The following MAP4K4 variants were observed in gnomAD, a reference collection of about 807,000 sequenced individuals.
MAP4K4 encodes mitogen-activated protein kinase kinase kinase kinase 4.
Under a neutral mutation model 189.6 loss-of-function variants are expected in MAP4K4, and 38 were observed. That is an observed-to-expected ratio of 0.20 (90% confidence interval 0.15 to 0.26). The LOEUF is 0.26. Among genes scored for constraint, MAP4K4 ranks in the 10% least tolerant of loss-of-function variants. The pLI is 1.00. For synonymous variants in MAP4K4, 610 were observed against 624.3 expected (o/e 0.98, Z 0.34); for missense variants, 1,054 against 1,726.9 (o/e 0.61, Z 6.91).
chr2:101,715,792 G>T (rs1321689816), intron 2 of MAP4K4, among the ~76,000 whole-genome samples: 1 of 152,130 alleles, frequency 6.6e-6, no homozygotes, highest in Admixed American at 6.5e-5. Flanking sequence ...TGACCTAATA[G>T]GAGCCAGTCC....
intron 31 of MAP4K4, among the ~76,000 whole-genome samples, chr2:101,888,375 A>G (rs1480863059): frequency 1.3e-5 from 2 of 152,206 alleles, no homozygotes; most frequent in Non-Finnish European, 2.9e-5. Flanking sequence ...TGCATTCAGT[A>G]ATAAAGACCG....
intron 23 of MAP4K4, 152 bp downstream of exon 23, chr2:101,870,567 G>A: frequency 9.6e-7 from 1 of 1,041,402 alleles, no homozygotes; most frequent in Non-Finnish European, 1.4e-6. Context: ...GGGGGCTAGG[G>A]AGGCAGGTGT....
chr2:101,860,845 A>G (rs2097630028), exon 16 of MAP4K4: 1 of 1,608,510 alleles, frequency 6.2e-7, no homozygotes, highest in African/African-American at 1.3e-5. Context: ...GATTTAGGAA[A>G]ACTAACCACA....
In MAP4K4 at chr2:101,728,976, G is replaced by A. The variant is rs527508105; in HGVS notation, c.123+30438G>A. 1.8e-4 allele frequency among the ~76,000 whole-genome samples: 27 copies of A among 152,228 alleles called. No homozygotes were observed. In the East Asian group the frequency reaches 4.8e-3, roughly 27 times the overall value. On this transcript the variant is annotated intron_variant, in intron 2 of 32. Coordinates refer to ENST00000324219, the Ensembl canonical transcript of MAP4K4. ...ACATGAAGAAAAATTGGTGAGTGTT[G>A]CACAAATGTTCAGTTTCAGGAAATT... is the stretch of plus-strand genomic sequence containing the variant.
chr2:101,875,717 C>G (rs2098182461), intron 26 of MAP4K4, among the ~76,000 whole-genome samples: 1 of 152,166 alleles, frequency 6.6e-6, no homozygotes, highest in Non-Finnish European at 1.5e-5. Flanking sequence ...GTAGGGTCAT[C>G]TGTGCTACAT....
chr2:101,704,914 A>G (rs1014201975), intron 2 of MAP4K4, among the ~76,000 whole-genome samples: 5 of 152,124 alleles, frequency 3.3e-5, no homozygotes, highest in African/African-American at 9.7e-5. Context: ...TTATAATGTT[A>G]TATCACTGCT....
intron 12 of MAP4K4, among the ~76,000 whole-genome samples, chr2:101,848,860 TC>T (rs1033755726): frequency 6.6e-6 from 1 of 152,198 alleles, no homozygotes; most frequent in African/African-American, 2.4e-5. Flanking sequence ...GGAGTTTGTC[TC>T]CCGGTTTTGC....
intron 2 of MAP4K4, among the ~76,000 whole-genome samples, chr2:101,756,928 T>C (rs1282278902): frequency 6.6e-6 from 1 of 152,142 alleles, no homozygotes; most frequent in Non-Finnish European, 1.5e-5. Context: ...TACTCTGCTA[T>C]GAAAAGGTTT....
chr2:101,761,001 C>G (rs2076138960), intron 2 of MAP4K4, among the ~76,000 whole-genome samples: 1 of 151,900 alleles, frequency 6.6e-6, no homozygotes, highest in Admixed American at 6.6e-5. Context: ...AAAACTCTGT[C>G]TCAAAAAAAA....
intron 19 of MAP4K4, 107 bp from the exon 20 acceptor site, chr2:101,867,105 A>G: frequency 1.4e-6 from 1 of 690,630 alleles, no homozygotes; most frequent in South Asian, 1.8e-5. Flanking sequence ...TGGAGAGCCT[A>G]CCATGAGTGG....
At chr2:101,749,200 A>C (rs2067243086) in intron 2 of MAP4K4, among the ~76,000 whole-genome samples, 1 of 151,802 alleles carries the variant, frequency 6.6e-6, no homozygotes, top group South Asian at 2.1e-4. Context: ...CTGCATTGCC[A>C]AGTCAATCCT....
chr2:101,783,997 CCTT>C (rs2089233827), intron 2 of MAP4K4, among the ~76,000 whole-genome samples: 1 of 152,154 alleles, frequency 6.6e-6, no homozygotes, highest in African/African-American at 2.4e-5. Context: ...AAACCTGTCC[CCTT>C]CTGGGATTTG....
chr2:101,744,858 G>C (rs2064491249), intron 2 of MAP4K4, among the ~76,000 whole-genome samples: 1 of 152,166 alleles, frequency 6.6e-6, no homozygotes, highest in African/African-American at 2.4e-5. Flanking sequence ...CTGGAAATGA[G>C]TTATTCTGAA....
chr2:101,756,310 A>G (rs1271481069), intron 2 of MAP4K4, among the ~76,000 whole-genome samples: 2 of 152,060 alleles, frequency 1.3e-5, no homozygotes, highest in African/African-American at 2.4e-5. Context: ...GCAAAATTTT[A>G]CTGTGGGTGC....
At chr2:101,840,220 A>G (rs1315294816) in intron 10 of MAP4K4, among the ~76,000 whole-genome samples, 1 of 152,084 alleles carries the variant, frequency 6.6e-6, no homozygotes, top group African/African-American at 2.4e-5. Context: ...ATAGATCGGC[A>G]TTGCGATGGG....
At chr2:101,706,055 A>G (rs1464540032) in intron 2 of MAP4K4, among the ~76,000 whole-genome samples, 1 of 152,246 alleles carries the variant, frequency 6.6e-6, no homozygotes, top group Non-Finnish European at 1.5e-5. Context: ...TATGATAAAT[A>G]GGGCCTTAAC....
intron 2 of MAP4K4, among the ~76,000 whole-genome samples, chr2:101,720,492 T>C (rs1293205976): frequency 6.6e-6 from 1 of 152,096 alleles, no homozygotes; most frequent in Non-Finnish European, 1.5e-5. Flanking sequence ...ATCTCCCTCG[T>C]TTTTCCTGGA....
intron 11 of MAP4K4, among the ~76,000 whole-genome samples, 175 bp from the exon 12 acceptor site, chr2:101,843,926 A>G (rs2097004916): frequency 6.6e-6 from 1 of 152,218 alleles, no homozygotes; most frequent in South Asian, 2.1e-4. Flanking sequence ...AAAAGAAGAT[A>G]TGGGACTATT....
chr2:101,724,989 T>C (rs2054421813), intron 2 of MAP4K4, among the ~76,000 whole-genome samples: 1 of 152,224 alleles, frequency 6.6e-6, no homozygotes, highest in Non-Finnish European at 1.5e-5. Context: ...CTGTGCAGGT[T>C]TGTAGCCTAG....
Sources: gnomAD v4.1 joint callset for allele counts (sites outside exome capture counted in the v4.1 genomes callset) on GRCh38, gnomAD v4.1.1 for gene constraint, MANE v1.5 for transcripts, NCBI Gene and HGNC (gene_info 2026-07-23, HGNC 2026-07-21) for gene names.